The following RIN2 variants were observed in gnomAD, a reference collection of about 807,000 sequenced individuals.
The protein encoded by RIN2 is RAB5 interacting protein 2.
Under a neutral mutation model 78.0 loss-of-function variants are expected in RIN2, and 36 were observed. The ratio of observed to expected loss-of-function variants is 0.46; its 90% CI spans 0.35 to 0.61. The LOEUF is 0.61. Ranked by LOEUF, RIN2 falls within the 20% of genes least tolerant of loss-of-function variation. The pLI is 0.00. For missense variants in RIN2, 1,087 were observed against 1,159.7 expected, an observed-to-expected ratio of 0.94 and a Z score of 0.91; for synonymous variants, 466 against 466.8, an observed-to-expected ratio of 1.00 and a Z score of 0.02.
chr20:19,934,188 A>G (rs768728670), intron 3 of RIN2, among the ~76,000 whole-genome samples: 1 of 152,266 alleles, frequency 6.6e-6, no homozygotes, highest in Non-Finnish European at 1.5e-5. Context: ...GCCATCTTAG[A>G]AATTAAAATG....
At chr20:19,787,064 C>T (rs961470703) in intron 1 of RIN2, among the ~76,000 whole-genome samples, 1 of 152,102 alleles carries the variant, frequency 6.6e-6, no homozygotes, top group Non-Finnish European at 1.5e-5. Flanking sequence ...TGAAACCCAA[C>T]ATTGGGTAGC....
intron 1 of RIN2, among the ~76,000 whole-genome samples, chr20:19,786,715 AGGGAAAGT>A (rs1351064649): frequency 1.3e-5 from 2 of 152,244 alleles, no homozygotes; most frequent in East Asian, 1.9e-4. Context: ...CATCATTTCT[AGGGAAAGT>A]GTAGTGACTA....
chr20:19,835,110 AAGAG>A (rs1568796866), intron 2 of RIN2, among the ~76,000 whole-genome samples: 1 of 116,814 alleles, frequency 8.6e-6, no homozygotes, highest in African/African-American at 2.9e-5. Flanking sequence ...GAAAGAAAGA[AAGAG>A]GGAGGAAGGA....
Position 19,975,937 on chromosome 20 carries a change from T to C in RIN2, c.1762+150T>C. ...TCCCGGTTTGAATGGAAAAATCAGT[T>C]TCTCAAAGTAGCTGCTGACTGCCAG... On this transcript the variant is annotated intron_variant, in intron 9 of 12. Transcript: ENST00000255006. This position sits in a 1 kb window ranked among gnomAD's most constrained non-coding sequence, Gnocchi z 4.9. 2 of 801,046 alleles carry C rather than the reference T, an allele frequency of 2.5e-6. No individual in the cohort carries two copies. The highest frequency in any genetic ancestry group is 4.1e-6 in the Non-Finnish European group (2 of 486,538). 49.6% of individuals were successfully genotyped at this position (801,046 alleles called of 1,614,324 possible).
chr20:19,889,164 G>A (rs1211867490), intron 2 of RIN2: 4 of 985,308 alleles, frequency 4.1e-6, no homozygotes, highest in African/African-American at 1.7e-5. Context: ...GGATTTCCTG[G>A]GATGTACAGA....
chr20:19,852,210 C>G (rs1302827140), intron 2 of RIN2, among the ~76,000 whole-genome samples: 3 of 152,136 alleles, frequency 2.0e-5, no homozygotes, highest in Non-Finnish European at 2.9e-5. Flanking sequence ...AACTGCAAAG[C>G]CACATGGCAA....
At chr20:19,838,188 T>G (rs2036476862) in intron 2 of RIN2, among the ~76,000 whole-genome samples, 1 of 152,222 alleles carries the variant, frequency 6.6e-6, no homozygotes, top group South Asian at 2.1e-4. Context: ...GATTCTGCAA[T>G]AAGTAAGTCT....
intron 3 of RIN2, among the ~76,000 whole-genome samples, chr20:19,915,756 G>A (rs868437764): frequency 1.3e-5 from 2 of 152,114 alleles, no homozygotes; most frequent in South Asian, 2.1e-4. Flanking sequence ...TACCCACTCT[G>A]CTCTCTTCCT....
chr20:19,965,495 G>C (rs1275929389), intron 7 of RIN2, among the ~76,000 whole-genome samples: 1 of 152,190 alleles, frequency 6.6e-6, no homozygotes, highest in African/African-American at 2.4e-5. Context: ...TACAAATGTG[G>C]GTTCCTTAAA....
intron 1 of RIN2, among the ~76,000 whole-genome samples, chr20:19,764,805 C>A (rs997010054): frequency 6.6e-6 from 1 of 151,994 alleles, no homozygotes; most frequent in African/African-American, 2.4e-5. Context: ...ATTCCTTTTT[C>A]CCCATAGTTT....
chr20:19,846,754 T>C (rs2123140615), intron 2 of RIN2, among the ~76,000 whole-genome samples: 1 of 152,356 alleles, frequency 6.6e-6, no homozygotes, highest in Non-Finnish European at 1.5e-5. Flanking sequence ...TCCAATACTA[T>C]GTTGAACAGG....
intron 1 of RIN2, among the ~76,000 whole-genome samples, chr20:19,773,478 T>C (rs1270361889): frequency 6.6e-6 from 1 of 151,962 alleles, no homozygotes; most frequent in Non-Finnish European, 1.5e-5. Flanking sequence ...AAGGGCTGGG[T>C]GTGAGTTGCC....
chr20:19,874,106 A>C (rs1368843034), intron 2 of RIN2, among the ~76,000 whole-genome samples: 1 of 150,128 alleles, frequency 6.7e-6, no homozygotes, highest in African/African-American at 2.5e-5. Context: ...TGGTTATTTC[A>C]CTGCTTTAAG....
At chr20:19,914,690 C>T (rs2039614550) in intron 3 of RIN2, among the ~76,000 whole-genome samples, 1 of 152,186 alleles carries the variant, frequency 6.6e-6, no homozygotes, top group South Asian at 2.1e-4. Context: ...ACAGTGTGGT[C>T]TGCCCGTCAG....
chr20:19,934,699 G>T, intron 3 of RIN2: 1 of 750,980 alleles, frequency 1.3e-6, no homozygotes, highest in Non-Finnish European at 1.6e-6. Flanking sequence ...CCTTCAAAGG[G>T]GGTTCCTTTG....
intron 3 of RIN2, among the ~76,000 whole-genome samples, chr20:19,901,500 T>C (rs2038981373): frequency 6.6e-6 from 1 of 152,100 alleles, no homozygotes; most frequent in Admixed American, 6.5e-5. Context: ...TGTGCTACGA[T>C]TGAGGGGCGG....
intron 5 of RIN2, among the ~76,000 whole-genome samples, chr20:19,957,358 T>G (rs2041585241): frequency 1.3e-5 from 2 of 152,170 alleles, no homozygotes; most frequent in South Asian, 4.1e-4. Context: ...TCCAGACCAC[T>G]CCACGACTTG....
Position 20,000,914 on chromosome 20 carries a change from A to C in RIN2, c.2666A>C (p.Glu889Ala). The change falls in exon 13 of 13, where the codon GAA becomes GCA. Residue 889 changes from glutamate to alanine, a missense_variant. This residue lies in a region of RIN2 where 160 missense variants were observed against 179.4 expected (regional missense o/e 0.89). Transcript: ENST00000255006. ...DPYGIIFQNG[E>A]EDLTTS Reference sequence around the variant, plus strand: ...TATGGCATCATTTTCCAGAACGGGGAAGAAGACCTCACCACCTCCTAGAAG... The same window carrying C: ...TATGGCATCATTTTCCAGAACGGGGCAGAAGACCTCACCACCTCCTAGAAG... The C allele has an allele frequency of 3.1e-6, 5 of 1,612,038 alleles. No homozygotes were observed. Among genetic ancestry groups the C allele is most frequent in the Non-Finnish European group, 3.4e-6 (4 of 1,178,886 alleles).
intron 1 of RIN2, among the ~76,000 whole-genome samples, chr20:19,758,937 T>G (rs964013997): frequency 6.6e-6 from 1 of 152,200 alleles, no homozygotes; most frequent in East Asian, 1.9e-4. Flanking sequence ...CAGGGGGCAC[T>G]TGGGCTGTCG....
Sources: allele counts gnomAD v4.1 joint callset (sites outside exome capture counted in the v4.1 genomes callset), GRCh38; gene constraint gnomAD v4.1.1; regional missense constraint gnomAD v4.1.1; non-coding constraint Gnocchi (gnomAD v3.1); transcripts MANE v1.5; gene names NCBI Gene and HGNC (gene_info 2026-07-23, HGNC 2026-07-21).